The following EPAS1 variants were observed in gnomAD, a reference collection of about 807,000 sequenced individuals.
EPAS1 encodes endothelial PAS domain protein 1, also known as endothelial PAS domain-containing protein 1.
In EPAS1, 23 loss-of-function variants were observed where a neutral mutation model predicts 87.9. The observed-to-expected ratio is 0.26, with a 90% confidence interval of 0.19 to 0.37. The LOEUF is 0.37. Among genes scored for constraint, EPAS1 ranks in the 10% least tolerant of loss-of-function variants. EPAS1 has a pLI of 1.00. For synonymous variants in EPAS1, 508 were observed against 444.3 expected (o/e 1.14, Z -1.80); for missense variants, 1,138 against 1,120.7 (o/e 1.02, Z -0.22).
intron 1 of EPAS1, among the ~76,000 whole-genome samples, chr2:46,325,602 CG>C (rs1683548079): frequency 6.6e-6 from 1 of 152,146 alleles, no homozygotes. Context: ...ATTGCTTAGC[CG>C]GAGAATTCTG....
chr2:46,351,364 A>G (rs1366526641), intron 2 of EPAS1, among the ~76,000 whole-genome samples: 1 of 152,208 alleles, frequency 6.6e-6, no homozygotes, highest in Non-Finnish European at 1.5e-5. Flanking sequence ...AAAGGCATGA[A>G]TCTCTCCTAG....
At chr2:46,341,498 G>A (rs909074929) in intron 1 of EPAS1, among the ~76,000 whole-genome samples, 4 of 152,170 alleles carry the variant, frequency 2.6e-5, no homozygotes, top group Non-Finnish European at 5.9e-5. Context: ...CTTCTGTGTG[G>A]CATCTATTTC....
chr2:46,324,268 C>A (rs1683510492), intron 1 of EPAS1, among the ~76,000 whole-genome samples: 1 of 152,002 alleles, frequency 6.6e-6, no homozygotes, highest in Non-Finnish European at 1.5e-5. Flanking sequence ...AGAGTTTCAC[C>A]ACGTTAGCCA....
At chr2:46,363,191 C>T (rs1288638532) in intron 6 of EPAS1, among the ~76,000 whole-genome samples, 1 of 152,168 alleles carries the variant, frequency 6.6e-6, no homozygotes, top group Non-Finnish European at 1.5e-5. Flanking sequence ...CATGGACAAT[C>T]CCACTGCATA....
intron 1 of EPAS1, among the ~76,000 whole-genome samples, chr2:46,329,152 G>A (rs1338934735): frequency 6.6e-6 from 1 of 152,090 alleles, no homozygotes; most frequent in Non-Finnish European, 1.5e-5. Context: ...TCCTTAATAG[G>A]GGCATTTCCA....
intron 10 of EPAS1, 48 bp from the exon 11 acceptor site, chr2:46,378,609 G>T (rs1293150628): frequency 6.6e-7 from 1 of 1,522,694 alleles, no homozygotes; most frequent in South Asian, 1.1e-5. Context: ...CTTCTGGGGA[G>T]ACCAGTGCCA....
chr2:46,360,989 T>C lies in EPAS1; in HGVS notation c.678T>C (p.Cys226=), dbSNP rs139953529. The C allele has an allele frequency of 6.2e-7, 1 of 1,614,048 alleles. No homozygotes were observed. Among genetic ancestry groups the C allele is most frequent in the Non-Finnish European group, 8.5e-7 (1 of 1,180,030 alleles). ...TGCTGTCCTGCCTCATCATCATGTG[T>C]GAACCAATCCAGCACCCATCCCACA... The part of the protein sequence containing the change: ...EPLLSCLIIM[C]EPIQHPSHMD... The change falls in exon 6 of 16, where the codon TGT becomes TGC. Residue 226 remains cysteine, a synonymous_variant. Transcript: ENST00000263734. This position sits in a 1 kb window ranked among gnomAD's most constrained non-coding sequence, Gnocchi z 4.5.
In EPAS1 at chr2:46,382,540, A is replaced by C. The variant is rs750247857; in HGVS notation, c.2403A>C (p.Pro801=). The C allele has an allele frequency of 9.9e-6, 16 of 1,614,042 alleles. No homozygotes were observed. The highest frequency in any genetic ancestry group is 1.3e-5 in the African/African-American group (1 of 74,942). ...PGENSKSRFP[P]QCYATQYQDY... ...AGAACAGCAAGAGCAGGTTCCCCCC[A>C]CAGTGCTACGCCACCCAGTACCAGG... is the stretch of plus-strand genomic sequence containing the variant. The change falls in exon 15 of 16, where the codon CCA becomes CCC. Residue 801 remains proline (P), a synonymous_variant. Transcript: ENST00000263734.
chr2:46,381,285 GT>G (rs1684885040), intron 12 of EPAS1: 1 of 432,528 alleles, frequency 2.3e-6, no homozygotes, highest in Non-Finnish European at 4.3e-6. Flanking sequence ...AGCCAAACTA[GT>G]TTTCAGTGGG....
intron 2 of EPAS1, among the ~76,000 whole-genome samples, chr2:46,350,740 G>A (rs1334220251): frequency 6.6e-6 from 1 of 152,208 alleles, no homozygotes; most frequent in Non-Finnish European, 1.5e-5. Context: ...TGAATTTTGG[G>A]CTTGCCCAAA....
At chr2:46,366,353 G>T (rs1189786726) in intron 6 of EPAS1, among the ~76,000 whole-genome samples, 3 of 152,196 alleles carry the variant, frequency 2.0e-5, no homozygotes, top group Non-Finnish European at 2.9e-5. Context: ...ACATTTTGAA[G>T]GCACATCTCA....
intron 1 of EPAS1, among the ~76,000 whole-genome samples, chr2:46,322,670 GT>G (rs1156750578): frequency 6.6e-6 from 1 of 152,212 alleles, no homozygotes; most frequent in African/African-American, 2.4e-5. Context: ...GAGCTGAGAT[GT>G]AGAGAGGCCA....
chr2:46,336,241 G>C (rs1203182721), intron 1 of EPAS1, among the ~76,000 whole-genome samples: 1 of 152,176 alleles, frequency 6.6e-6, no homozygotes, highest in Non-Finnish European at 1.5e-5. Context: ...GTCTGCCCTA[G>C]CCCAGGTTCC....
chr2:46,308,452 C>CTT (rs145820702), intron 1 of EPAS1, among the ~76,000 whole-genome samples: 2 of 90,904 alleles, frequency 2.2e-5, no homozygotes, highest in African/African-American at 6.4e-5. Flanking sequence ...ACCTTGCTTG[C>CTT]TTTTTTTTGG....
intron 1 of EPAS1, among the ~76,000 whole-genome samples, chr2:46,345,333 A>G (rs1684002826): frequency 6.6e-6 from 1 of 152,220 alleles, no homozygotes; most frequent in African/African-American, 2.4e-5. Flanking sequence ...GGTTATTTAT[A>G]GAAACACAAG....
rs1429249000 is a variant in EPAS1, at chr2:46,300,235, C to G, written c.26+2298C>G. 6.6e-6 allele frequency among the ~76,000 whole-genome samples: 1 copy of G among 152,208 alleles called. No individual in the cohort carries two copies. The highest frequency in any genetic ancestry group is 1.5e-5 in the Non-Finnish European group (1 of 68,036). ...GTTGTCATGTAAGTGACTGCTGTAG[C>G]TTTTCTGAGTGCCTCACAAGGGCGA... On this transcript the variant is annotated intron_variant, in intron 1 of 15. Transcript: ENST00000263734. The surrounding 1 kb of genome is among the most constrained non-coding windows in gnomAD (Gnocchi z 4.1).
chr2:46,302,124 G>GTTTGTT (rs765286515), intron 1 of EPAS1, among the ~76,000 whole-genome samples: 2,997 of 142,632 alleles, frequency 0.021, 52 homozygotes, highest in Non-Finnish European at 0.03. Flanking sequence ...CTCTCTGTGT[G>GTTTGTT]TGTGTGTGTG....
In EPAS1 at chr2:46,375,482, A is replaced by G. The variant is rs1684724421; in HGVS notation, c.887-208A>G. ...TGGGCAAGTCATTTCACCTCTTCTC[A>G]CCTCTTTTTCCTATATTTAAAATGA... On this transcript the variant is annotated intron_variant, in intron 7 of 15. Transcript: ENST00000263734. The surrounding 1 kb of genome is among the most constrained non-coding windows in gnomAD (Gnocchi z 4.1). 6.6e-6 allele frequency among the ~76,000 whole-genome samples: 1 copy of G among 151,846 alleles called. No homozygotes were observed. The highest frequency in any genetic ancestry group is 1.5e-5 in the Non-Finnish European group (1 of 67,966).
intron 10 of EPAS1, 139 bp downstream of exon 10, chr2:46,378,226 C>T (rs1039382307): frequency 5.0e-6 from 7 of 1,410,658 alleles, no homozygotes; most frequent in African/African-American, 2.9e-5. Context: ...GTGACACTTA[C>T]CTACCAGGTA....
Sources: allele counts gnomAD v4.1 joint callset (sites outside exome capture counted in the v4.1 genomes callset), GRCh38; gene constraint gnomAD v4.1.1; non-coding constraint Gnocchi (gnomAD v3.1); transcripts MANE v1.5; gene names NCBI Gene and HGNC (gene_info 2026-07-23, HGNC 2026-07-21).